KRT35: variants seen among roughly 807,000 people sequenced by gnomAD.
KRT35 encodes the protein keratin, type I cuticular Ha5.
A neutral mutation model predicts 42.2 loss-of-function variants in KRT35; 33 were observed. The ratio of observed to expected loss-of-function variants is 0.78; its 90% CI spans 0.59 to 1.05. The LOEUF (loss-of-function observed/expected upper bound fraction) is 1.05, where lower values mean the gene tolerates loss of function less well. KRT35 is among the 50% of genes least tolerant of loss of function. KRT35 has a pLI of 0.00. For missense variants in KRT35, 585 were observed against 589.2 expected, an observed-to-expected ratio of 0.99 and a Z score of 0.07; for synonymous variants, 218 against 238.2, an observed-to-expected ratio of 0.92 and a Z score of 0.78.
chr17:41,477,111 C>A lies in KRT35; in HGVS notation c.1313G>T (p.Arg438Leu), dbSNP rs777060154. The A allele has an allele frequency of 6.2e-7, 1 of 1,607,936 alleles. No individual in the cohort carries two copies. Among genetic ancestry groups the A allele is most frequent in the Non-Finnish European group, 8.5e-7 (1 of 1,177,804 alleles). Residue 438 changes from arginine to leucine, a missense_variant, in exon 7 of 7, where the codon CGC becomes CTC. Arg to Leu is a moderately radical substitution (Grantham distance 102). Transcript: ENST00000246639. Reference sequence around the variant, plus strand: ...AATGGGGCGGGGGCTGCAGTTTGTGCGGGCTGCACTAGGACCGCAGGAGGC... The same window carrying A: ...AATGGGGCGGGGGCTGCAGTTTGTGAGGGCTGCACTAGGACCGCAGGAGGC... Reference protein sequence around the residue: ...PAASCGPSAARTNCSPRPICV... With the variant: ...PAASCGPSAALTNCSPRPICV...
chr17:41,477,634 C>A lies in KRT35; in HGVS notation c.1104G>T (p.Glu368Asp). 1 of 1,614,276 alleles carries A rather than the reference C, an allele frequency of 6.2e-7. No individual in the cohort carries two copies. The part of the protein sequence containing the change: ...MITNVEAQLA[E>D]IRADLERQNQ... ...TCTGCCGCTCCAGGTCAGCCCGGAT[C>A]TCGGCCAGCTGGGCCTCCACGTTGG... The change falls in exon 6 of 7, where the codon GAG becomes GAT. Residue 368 changes from glutamate to aspartate, a missense_variant. Glu to Asp is a conservative substitution (Grantham distance 45). Transcript: ENST00000246639.
rs765925126 is a variant in KRT35 at position 41,477,114 on chromosome 17, G to A, written c.1310C>T (p.Ala437Val). ...GGGGCGGGGGCTGCAGTTTGTGCGG[G>A]CTGCACTAGGACCGCAGGAGGCCGC... The part of the protein sequence containing the change: ...LPAASCGPSA[A>V]RTNCSPRPIC... Residue 437 changes from alanine to valine, a missense_variant, in exon 7 of 7, where the codon GCC (alanine) becomes GTC (valine). Ala to Val is a moderately conservative substitution (Grantham distance 64, BLOSUM62 0). Coordinates refer to ENST00000246639, the MANE Select transcript of KRT35 (RefSeq NM_002280.6). 122 of 1,610,482 alleles carry A rather than the reference G, an allele frequency of 7.6e-5. No individual in the cohort carries two copies. The highest frequency in any genetic ancestry group is 5.0e-4 in the Middle Eastern group (3 of 6,024).
At chr17:41,479,930 C>A in intron 1 of KRT35, 149 bp from the exon 2 acceptor site, 1 of 645,560 alleles carries the variant, frequency 1.5e-6, no homozygotes. Context: ...TATGGGCAGG[C>A]TCTAGGGATC....
rs546263937 is a variant in KRT35, at chr17:41,477,576, C to A, written c.1162G>T (p.Ala388Ser). Residue 388 changes from alanine (A) to serine (S), a missense_variant, in exon 6 of 7, where the codon GCC (alanine) becomes TCC (serine). Coordinates refer to ENST00000246639, the MANE Select transcript of KRT35 (RefSeq NM_002280.6). ...QEYQVLLDVR[A>S]RLECEINTYR... ...GTGTTGATCTCACACTCCAGCCGGG[C>A]CCGGACGTCCAGCAGCACCTGGTAC... The A allele has an allele frequency of 2.4e-5, 38 of 1,614,072 alleles. No individual in the cohort carries two copies. The highest frequency in any genetic ancestry group is 3.1e-5 in the Non-Finnish European group (37 of 1,180,042).
Position 41,478,464 on chromosome 17 carries a change from A to G in KRT35, c.896T>C (p.Val299Ala), listed in dbSNP as rs1597749211. The stretch of plus-strand genomic sequence containing the variant: ...CTGCAACTGCTCTGAGCTGGACACC[A>G]CCTGCTGGTTCAGCTCCTCACTCTG... Reference protein sequence around the residue: ...DTQSEELNQQVVSSSEQLQSC... With the variant: ...DTQSEELNQQAVSSSEQLQSC... The change falls in exon 5 of 7, where the codon GTG (valine) becomes GCG (alanine). Residue 299 changes from valine to alanine, a missense_variant. Transcript: ENST00000246639. 6.2e-7 allele frequency: 1 copy of G among 1,614,012 alleles called. No homozygotes were observed. The highest frequency in any genetic ancestry group is 8.5e-7 in the Non-Finnish European group (1 of 1,179,950).
At chr17:41,480,458 G>A (rs2019236204) in intron 1 of KRT35, among the ~76,000 whole-genome samples, 169 bp downstream of exon 1, 1 of 152,120 alleles carries the variant, frequency 6.6e-6, no homozygotes, top group Non-Finnish European at 1.5e-5. Context: ...GTTCTCAACT[G>A]TATAATGGGC....
chr17:41,477,407 G>A, intron 6 of KRT35, 111 bp downstream of exon 6: 1 of 1,461,576 alleles, frequency 6.8e-7, no homozygotes, highest in Non-Finnish European at 9.3e-7. Flanking sequence ...CCAGAACTAA[G>A]AGAACAGAAC....
At position 41,478,394 on chromosome 17, in the gene KRT35, G is replaced by A; in HGVS notation, c.966C>T (p.Ala322=). ...EIIELRRTVN[A]LEIELQAQHS... ...GCTGAGCCTGCAGCTCAATCTCCAG[G>A]GCGTTGACCGTGCGTCTCAGCTCGA... The change falls in exon 5 of 7, where the codon GCC becomes GCT. Residue 322 remains alanine (A), a synonymous_variant. Coordinates refer to ENST00000246639, the MANE Select transcript of KRT35 (RefSeq NM_002280.6). The A allele has an allele frequency of 6.2e-7, 1 of 1,613,940 alleles. No individual in the cohort carries two copies. The highest frequency in any genetic ancestry group is 8.5e-7 in the Non-Finnish European group (1 of 1,179,954).
At chr17:41,479,204 C>T (rs1484793139) in intron 3 of KRT35, 143 bp downstream of exon 3, 20 of 1,064,274 alleles carry the variant, frequency 1.9e-5, no homozygotes, top group African/African-American at 1.1e-4. Flanking sequence ...CCATGCTCAC[C>T]TCCTCTTCCC....
At chr17:41,478,619 G>A (rs2019212902) in intron 4 of KRT35, 133 bp from the exon 5 acceptor site, 1 of 1,229,666 alleles carries the variant, frequency 8.1e-7, no homozygotes, top group East Asian at 2.4e-5. Context: ...ATTTTATACT[G>A]GAGGGCATTG....
chr17:41,477,023 G>A lies in KRT35; in HGVS notation c.*33C>T. On this transcript the variant is annotated 3_prime_UTR_variant, in exon 7 of 7. Coordinates refer to ENST00000246639, the MANE Select transcript of KRT35 (RefSeq NM_002280.6). ...GTAGAGGCCAAGTTCAAGCCCTGGA[G>A]ACAATAGCCATGGCCATCTGGGTCA... 6.5e-7 allele frequency: 1 copy of A among 1,528,340 alleles called. No homozygotes were observed. The highest frequency in any genetic ancestry group is 1.4e-5 in the African/African-American group (1 of 71,900). The allele number at this position is 1,528,340 out of a possible 1,614,324, so 94.7% of individuals were successfully genotyped here. A position where few individuals can be genotyped will look rare whatever the true frequency, so the allele number is the denominator to read the frequency against.
In KRT35 at chr17:41,477,638, G is replaced by A; in HGVS notation, c.1100C>T (p.Ala367Val). ...CMITNVEAQL[A>V]EIRADLERQN... Reference sequence around the variant, plus strand: ...CCGCTCCAGGTCAGCCCGGATCTCGGCCAGCTGGGCCTCCACGTTGGTGAT... The same window carrying A: ...CCGCTCCAGGTCAGCCCGGATCTCGACCAGCTGGGCCTCCACGTTGGTGAT... The change falls in exon 6 of 7, where the codon GCC becomes GTC. Residue 367 changes from alanine to valine, a missense_variant. Transcript: ENST00000246639. 6.2e-7 allele frequency: 1 copy of A among 1,614,240 alleles called. No homozygotes were observed. Among genetic ancestry groups the A allele is most frequent in the Non-Finnish European group, 8.5e-7 (1 of 1,180,056 alleles).
rs750103760 is a variant in KRT35, at chr17:41,479,791, T to C, written c.472-10A>G. 94 of 1,609,786 alleles carry C rather than the reference T, an allele frequency of 5.8e-5. No homozygotes were observed. Among genetic ancestry groups the C allele is most frequent in the East Asian group, 5.8e-4 (26 of 44,868 alleles). The stretch of plus-strand genomic sequence containing the variant: ...CCTTGCTGCATAGAGTCTGGAGATA[T>C]GAAGAAGTTATTTCATTGCAAGAAA... On this transcript the variant is annotated splice_polypyrimidine_tract_variant and intron_variant, in intron 1 of 6. Transcript: ENST00000246639.
chr17:41,477,699 G>T lies in KRT35; in HGVS notation c.1039C>A (p.Arg347Ser), dbSNP rs373692022. Residue 347 changes from arginine (R) to serine (S), a missense_variant, in exon 6 of 7, where the codon CGC becomes AGC. Transcript: ENST00000246639. ...ATCTGGGCCAGCTGGGAGCTATAGCGGGCCTCCGTCTCTGCCAGGGTGGAT... is the reference window on the plus strand; with the variant it reads ...ATCTGGGCCAGCTGGGAGCTATAGCTGGCCTCCGTCTCTGCCAGGGTGGAT... ...LESTLAETEA[R>S]YSSQLAQMQC... 5 of 1,614,256 alleles carry T rather than the reference G, an allele frequency of 3.1e-6. No individual in the cohort carries two copies. The South Asian group carries it at 5.5e-5, about 18-fold the overall frequency.
chr17:41,479,111 A>G (rs2019219664), intron 3 of KRT35, 116 bp from the exon 4 acceptor site: 1 of 1,076,392 alleles, frequency 9.3e-7, no homozygotes, highest in Non-Finnish European at 1.3e-6. Context: ...CCTCCTCCCC[A>G]TGCTCATCTG....
chr17:41,477,474 G>A (rs2019188814), intron 6 of KRT35, 44 bp downstream of exon 6: 1 of 1,606,664 alleles, frequency 6.2e-7, no homozygotes, highest in Non-Finnish European at 8.5e-7. Flanking sequence ...CCAGAACTTG[G>A]TAGATTGCAG....
rs751331700 is a variant in KRT35, at chr17:41,477,084, C to G, written c.1340G>C (p.Cys447Ser). 1.9e-6 allele frequency: 3 copies of G among 1,594,896 alleles called. No homozygotes were observed. Among genetic ancestry groups the G allele is most frequent in the Non-Finnish European group, 2.6e-6 (3 of 1,172,872 alleles). ...ARTNCSPRPI[C>S]VPCPGGRF Reference sequence around the variant, plus strand: ...GAACCGACCCCCTGGGCAGGGCACACAAATGGGGCGGGGGCTGCAGTTTGT... The same window carrying G: ...GAACCGACCCCCTGGGCAGGGCACAGAAATGGGGCGGGGGCTGCAGTTTGT... Residue 447 changes from cysteine (C) to serine (S), a missense_variant, in exon 7 of 7, where the codon TGT becomes TCT. Coordinates refer to ENST00000246639, the MANE Select transcript of KRT35 (RefSeq NM_002280.6).
At chr17:41,478,024 G>A (rs1236593947) in intron 5 of KRT35, among the ~76,000 whole-genome samples, 1 of 152,258 alleles carries the variant, frequency 6.6e-6, no homozygotes, top group East Asian at 1.9e-4. Context: ...CACTTGAGAT[G>A]AGCTAATTAG....
chr17:41,480,611 A>C lies in KRT35; in HGVS notation c.471+16T>G. 1.3e-6 allele frequency: 2 copies of C among 1,599,538 alleles called. No homozygotes were observed. Among genetic ancestry groups the C allele is most frequent in the Non-Finnish European group, 1.7e-6 (2 of 1,167,770 alleles). On this transcript the variant is annotated intron_variant, in intron 1 of 6. Coordinates refer to ENST00000246639, the MANE Select transcript of KRT35 (RefSeq NM_002280.6). ...ACAAAGTTCCTGGGAATCCAAAGCC[A>C]CTCTGAACCTCTTACCTTCTTCTGG...
Sources: gnomAD v4.1 joint callset for allele counts (sites outside exome capture counted in the v4.1 genomes callset) on GRCh38, gnomAD v4.1.1 for gene constraint, MANE v1.5 for transcripts, NCBI Gene and HGNC (gene_info 2026-07-23, HGNC 2026-07-21) for gene names.